The following ANGPT1 variants were observed in gnomAD, a reference collection of about 807,000 sequenced individuals.
ANGPT1 encodes angiopoietin-1.
ANGPT1 carries 17 observed loss-of-function variants against 62.2 expected under a neutral mutation model. That is an observed-to-expected ratio of 0.27 (90% confidence interval 0.19 to 0.41). ANGPT1 has a LOEUF of 0.41. ANGPT1 is among the 10% of genes least tolerant of loss of function. The probability of loss-of-function intolerance (pLI) is 1.00; values close to 1 mark genes in which losing one functional copy is unlikely to be tolerated. For missense variants in ANGPT1, 478 were observed against 594.9 expected, an observed-to-expected ratio of 0.80 and a Z score of 2.04; for synonymous variants, 199 against 198.9, an observed-to-expected ratio of 1.00 and a Z score of 0.00.
chr8:107,250,670 A>G lies in ANGPT1; in HGVS notation c.*1185T>C, dbSNP rs1418825755. ...GGTTTTTTGCAGATATAAACATGCT[A>G]TGTACAATGATATTTATAATTATTT... On this transcript the variant is annotated 3_prime_UTR_variant, in exon 9 of 9. Coordinates refer to ENST00000517746, the MANE Select transcript of ANGPT1 (RefSeq NM_001146.5). 4 of 152,102 alleles carry G rather than the reference A, an allele frequency of 2.6e-5. No individual in the cohort carries two copies. Among genetic ancestry groups the G allele is most frequent in the African/African-American group, 4.8e-5 (2 of 41,440 alleles). The allele number at this position is 152,102 out of a possible 1,614,324, so 9.4% of individuals were successfully genotyped here.
At chr8:107,442,614 C>T (rs995041505) in intron 1 of ANGPT1, among the ~76,000 whole-genome samples, 1 of 152,138 alleles carries the variant, frequency 6.6e-6, no homozygotes, top group Admixed American at 6.5e-5. Context: ...ATTGGGTTAG[C>T]TTTATATTTC....
chr8:107,310,119 A>AT (rs1344430336), intron 4 of ANGPT1, among the ~76,000 whole-genome samples: 1 of 152,060 alleles, frequency 6.6e-6, no homozygotes, highest in East Asian at 1.9e-4. Context: ...CTTAACTACC[A>AT]TTTTTTATGG....
chr8:107,424,160 T>TAA (rs11400808), intron 1 of ANGPT1, among the ~76,000 whole-genome samples: 16,504 of 149,820 alleles, frequency 0.11, 961 homozygotes, highest in South Asian at 0.16. Flanking sequence ...CTTATTAAGT[T>TAA]AAAAAAAAAA....
chr8:107,299,060 T>C (rs1814489181), intron 5 of ANGPT1, among the ~76,000 whole-genome samples: 1 of 151,606 alleles, frequency 6.6e-6, no homozygotes, highest in Admixed American at 6.6e-5. Flanking sequence ...ATGAGGTGGG[T>C]TATAATGAGA....
intron 3 of ANGPT1, among the ~76,000 whole-genome samples, chr8:107,331,194 T>C (rs997140041): frequency 2.0e-5 from 3 of 152,164 alleles, no homozygotes; most frequent in South Asian, 4.1e-4. Context: ...CTGTATTTTA[T>C]TGCAATAATT....
chr8:107,471,354 T>A (rs1343259255), intron 1 of ANGPT1, among the ~76,000 whole-genome samples: 1 of 151,920 alleles, frequency 6.6e-6, no homozygotes, highest in Non-Finnish European at 1.5e-5. Flanking sequence ...AGTTGAACAA[T>A]GAGAACACAT....
At chr8:107,468,270 G>T (rs1158177792) in intron 1 of ANGPT1, among the ~76,000 whole-genome samples, 1 of 151,950 alleles carries the variant, frequency 6.6e-6, no homozygotes, top group Non-Finnish European at 1.5e-5. Flanking sequence ...AACATTTGGG[G>T]TTATGATTCT....
chr8:107,483,350 G>C (rs772914572), intron 1 of ANGPT1, among the ~76,000 whole-genome samples: 15 of 152,170 alleles, frequency 9.9e-5, no homozygotes, highest in Middle Eastern at 3.4e-3. Context: ...TCAGTTAAGA[G>C]CTTTCCTTGT....
intron 7 of ANGPT1, among the ~76,000 whole-genome samples, chr8:107,271,575 GA>G (rs1206781177): frequency 6.6e-6 from 1 of 151,924 alleles, no homozygotes; most frequent in Non-Finnish European, 1.5e-5. Context: ...AGAAATTAAA[GA>G]TGAAAAGGAT....
chr8:107,346,760 C>A (rs1586243630), intron 2 of ANGPT1, among the ~76,000 whole-genome samples, 182 bp downstream of exon 2: 2 of 152,058 alleles, frequency 1.3e-5, no homozygotes, highest in Non-Finnish European at 2.9e-5. Flanking sequence ...AATATACCAA[C>A]CCTCATTAGA....
rs138858284 is a variant in ANGPT1, at chr8:107,463,382, A to G, written c.297+33880T>C. On this transcript the variant is annotated intron_variant, in intron 1 of 8. Coordinates refer to ENST00000517746, the MANE Select transcript of ANGPT1 (RefSeq NM_001146.5). ...TAAGTTGTGCCCAAATTCCTGAACC[A>G]CAGAAATTGTCAGATAATAAATGTG... Among the ~76,000 whole-genome samples the G allele has an allele frequency of 1.5e-3, 234 of 152,274 alleles. 3 individuals carry two copies. Among genetic ancestry groups the G allele is most frequent in the African/African-American group, 5.3e-3 (220 of 41,572 alleles).
intron 1 of ANGPT1, among the ~76,000 whole-genome samples, chr8:107,480,785 G>C (rs1270201387): frequency 2.0e-5 from 3 of 152,174 alleles, no homozygotes; most frequent in Non-Finnish European, 4.4e-5. Context: ...ATTTAAACAA[G>C]TGGGATTGAG....
chr8:107,426,931 G>A (rs1811056023), intron 1 of ANGPT1, among the ~76,000 whole-genome samples: 1 of 152,090 alleles, frequency 6.6e-6, no homozygotes, highest in South Asian at 2.1e-4. Flanking sequence ...GAAAACCAGA[G>A]GATTTTTTTT....
chr8:107,490,169 A>G (rs1182698820), intron 1 of ANGPT1, among the ~76,000 whole-genome samples: 1 of 152,172 alleles, frequency 6.6e-6, no homozygotes, highest in African/African-American at 2.4e-5. Context: ...ACTTAAAACA[A>G]ATGACAGGGG....
intron 4 of ANGPT1, among the ~76,000 whole-genome samples, chr8:107,305,055 T>C (rs1465684860): frequency 6.6e-6 from 1 of 152,036 alleles, no homozygotes; most frequent in Non-Finnish European, 1.5e-5. Context: ...TTCAAAAGCA[T>C]TGACGTAGTT....
At chr8:107,365,693 A>G (rs1403611125) in intron 1 of ANGPT1, among the ~76,000 whole-genome samples, 3 of 152,188 alleles carry the variant, frequency 2.0e-5, no homozygotes, top group Non-Finnish European at 4.4e-5. Flanking sequence ...TCTGCCTTCC[A>G]AAACATTCAG....
intron 1 of ANGPT1, among the ~76,000 whole-genome samples, chr8:107,449,661 G>T (rs1163581389): frequency 1.3e-5 from 2 of 151,946 alleles, no homozygotes; most frequent in East Asian, 3.9e-4. Context: ...CCTTACCTTG[G>T]AATAACTATG....
chr8:107,354,461 G>C (rs1453919162), intron 1 of ANGPT1, among the ~76,000 whole-genome samples: 1 of 152,022 alleles, frequency 6.6e-6, no homozygotes, highest in Admixed American at 6.6e-5. Flanking sequence ...GGCTGGATTC[G>C]ATCATTTCTA....
At chr8:107,297,877 G>C (rs538551367) in intron 5 of ANGPT1, among the ~76,000 whole-genome samples, 1 of 151,512 alleles carries the variant, frequency 6.6e-6, no homozygotes, top group African/African-American at 2.4e-5. Flanking sequence ...AAAAGCCTAT[G>C]CTTAACAGAT....
Sources: gnomAD v4.1 joint callset for allele counts (sites outside exome capture counted in the v4.1 genomes callset) on GRCh38, gnomAD v4.1.1 for gene constraint, MANE v1.5 for transcripts, NCBI Gene and HGNC (gene_info 2026-07-23, HGNC 2026-07-21) for gene names.